Variants in SNX8 observed in about 807,000 individuals in gnomAD.
SNX8 encodes the protein sorting nexin-8.
Under a neutral mutation model 51.6 loss-of-function variants are expected in SNX8, and 25 were observed. That is an observed-to-expected ratio of 0.48 (90% CI 0.35 to 0.68). The LOEUF is 0.68. SNX8 is among the 30% of genes least tolerant of loss of function. The pLI is 0.00. For missense variants in SNX8, 695 were observed against 624.0 expected, an observed-to-expected ratio of 1.11 and a Z score of -1.21; for synonymous variants, 324 against 277.0, an observed-to-expected ratio of 1.17 and a Z score of -1.68.
At chr7:2,287,656 C>A (rs528276852) in intron 1 of SNX8, among the ~76,000 whole-genome samples, 2 of 152,128 alleles carry the variant, frequency 1.3e-5, no homozygotes, top group East Asian at 3.9e-4. Context: ...GAGACTGAGG[C>A]AGGAGAATCG....
intron 1 of SNX8, among the ~76,000 whole-genome samples, chr7:2,295,592 CAAAAAAAAAAAAAA>C (rs147853805): frequency 0.5 from 46,537 of 93,666 alleles, 8,977 homozygotes; most frequent in East Asian, 0.68. Context: ...GTAATCCCAG[CAAAAAAAAAAAAAA>C]AAAAAAAAAA....
At chr7:2,345,895 C>T (rs1295796981) in intron 1 of SNX8, among the ~76,000 whole-genome samples, 2 of 151,960 alleles carry the variant, frequency 1.3e-5, no homozygotes, top group Non-Finnish European at 2.9e-5. Flanking sequence ...GCAACTTCCA[C>T]CTCCTGGGTT....
chr7:2,260,003 AAAG>A (rs1661764384), intron 7 of SNX8, among the ~76,000 whole-genome samples: 1 of 152,104 alleles, frequency 6.6e-6, no homozygotes, highest in South Asian at 2.1e-4. Flanking sequence ...AAAAAGGAAA[AAAG>A]AAAGAGAGAG....
intron 7 of SNX8, 128 bp from the exon 8 acceptor site, chr7:2,257,931 C>G: frequency 2.4e-6 from 2 of 845,140 alleles, no homozygotes; most frequent in South Asian, 3.1e-5. Context: ...CCCAGGACCA[C>G]CAGCCAGGTC....
rs924907119 is a variant in SNX8 at position 2,310,390 on chromosome 7, C to G, written c.94+3938G>C. 4.6e-5 allele frequency among the ~76,000 whole-genome samples: 7 copies of G among 152,082 alleles called. No homozygotes were observed. The East Asian group carries it at 1.3e-3, about 29-fold the overall frequency. ...TGAAATCCCAGCACTTTGGGAGGCC[C>G]GGGTGGGAGGATTGCTTGAGGCCAG... On this transcript the variant is annotated intron_variant, in intron 1 of 10. Transcript: ENST00000222990.
intron 1 of SNX8, among the ~76,000 whole-genome samples, chr7:2,290,766 C>T (rs1562441557): frequency 6.6e-6 from 1 of 152,154 alleles, no homozygotes; most frequent in Admixed American, 6.6e-5. Flanking sequence ...ACGTAGTCAA[C>T]AGACCCTGCC....
chr7:2,276,337 C>T (rs191559667), intron 2 of SNX8, among the ~76,000 whole-genome samples: 2 of 152,360 alleles, frequency 1.3e-5, no homozygotes, highest in East Asian at 1.9e-4. Context: ...CCGGGAACCA[C>T]GGCAAAGCCA....
chr7:2,323,146 A>G (rs559522707), intron 1 of SNX8, among the ~76,000 whole-genome samples: 1 of 152,240 alleles, frequency 6.6e-6, no homozygotes, highest in East Asian at 1.9e-4. Context: ...CCCGGCCAAT[A>G]CGGTGAAACC....
intron 1 of SNX8, among the ~76,000 whole-genome samples, chr7:2,281,652 A>G: frequency 1.3e-5 from 2 of 152,132 alleles, no homozygotes; most frequent in East Asian, 3.9e-4. Flanking sequence ...AAACTAACCC[A>G]GTCCCACAGA....
chr7:2,273,107 T>A (rs1473181294), intron 3 of SNX8, among the ~76,000 whole-genome samples: 1 of 151,984 alleles, frequency 6.6e-6, no homozygotes, highest in African/African-American at 2.4e-5. Flanking sequence ...GTGCTGGGAT[T>A]ACAGGCATGA....
intron 1 of SNX8, among the ~76,000 whole-genome samples, chr7:2,306,570 T>C (rs1796549626): frequency 1.3e-5 from 2 of 152,030 alleles, no homozygotes; most frequent in South Asian, 2.1e-4. Context: ...ATACAGACAC[T>C]AGGTAGAAAA....
chr7:2,349,903 G>C (rs958035099), intron 1 of SNX8, among the ~76,000 whole-genome samples: 1 of 152,054 alleles, frequency 6.6e-6, no homozygotes, highest in Non-Finnish European at 1.5e-5. Flanking sequence ...CTGGCCCATG[G>C]TGGACAGGTG....
chr7:2,293,257 G>C (rs903459072), intron 1 of SNX8, among the ~76,000 whole-genome samples: 7 of 148,850 alleles, frequency 4.7e-5, no homozygotes, highest in African/African-American at 1.7e-4. Context: ...TGGAATTACA[G>C]GCGTGAGCCA....
intron 2 of SNX8, among the ~76,000 whole-genome samples, chr7:2,277,054 C>T (rs746820026): frequency 1.3e-5 from 2 of 152,244 alleles, no homozygotes; most frequent in Admixed American, 6.5e-5. Flanking sequence ...GGGCCAGGGC[C>T]GCCCTCTCCC....
chr7:2,287,489 C>T (rs1260743108), intron 1 of SNX8, among the ~76,000 whole-genome samples: 1 of 150,392 alleles, frequency 6.6e-6, no homozygotes, highest in Non-Finnish European at 1.5e-5. Context: ...TGAGGCAGGA[C>T]AATCACTTGA....
upstream of SNX8, among the ~76,000 whole-genome samples, chr7:2,318,085 G>T (rs1010878038): frequency 2.6e-5 from 4 of 151,992 alleles, no homozygotes; most frequent in African/African-American, 9.7e-5. Context: ...TTGCTGTGTT[G>T]CCCAGGCTGG....
intron 6 of SNX8, among the ~76,000 whole-genome samples, chr7:2,263,924 C>G (rs1399204757): frequency 6.6e-6 from 1 of 152,006 alleles, no homozygotes; most frequent in Non-Finnish European, 1.5e-5. Context: ...CCATCTTGGC[C>G]AGGCTGATCT....
chr7:2,296,128 T>C (rs1382945004), intron 1 of SNX8, among the ~76,000 whole-genome samples: 1 of 152,220 alleles, frequency 6.6e-6, no homozygotes, highest in African/African-American at 2.4e-5. Flanking sequence ...GTTGGTATCT[T>C]GGTAGGAATC....
chr7:2,328,219 T>C (rs1383784345), intron 1 of SNX8, among the ~76,000 whole-genome samples: 2 of 152,056 alleles, frequency 1.3e-5, no homozygotes, highest in Admixed American at 6.6e-5. Flanking sequence ...GCCTGGCTAA[T>C]TTTTCTGTTT....
Sources: allele counts gnomAD v4.1 joint callset (sites outside exome capture counted in the v4.1 genomes callset), GRCh38; gene constraint gnomAD v4.1.1; transcripts MANE v1.5; gene names NCBI Gene and HGNC (gene_info 2026-07-23, HGNC 2026-07-21).